NYAP2: variants seen among roughly 807,000 people sequenced by gnomAD.
NYAP2 encodes neuronal tyrosine-phosphorylated phosphoinositide-3-kinase adaptor 2, also known as neuronal tyrosine-phosphorylated phosphoinositide-3-kinase adapter 2.
In NYAP2, 23 loss-of-function variants were observed where a neutral mutation model predicts 50.4. That is an observed-to-expected ratio of 0.46 (90% CI 0.33 to 0.65). The LOEUF (loss-of-function observed/expected upper bound fraction) is 0.65, where lower values mean the gene tolerates loss of function less well. Among genes scored for constraint, NYAP2 ranks in the 30% least tolerant of loss-of-function variants. The pLI, the probability that NYAP2 is intolerant of heterozygous loss-of-function variation, is 0.02. For missense variants in NYAP2, 885 were observed against 861.0 expected (o/e 1.03, Z -0.35); for synonymous variants, 394 against 365.2 (o/e 1.08, Z -0.90).
chr2:225,556,782 A>T (rs1691783385), intron 4 of NYAP2, among the ~76,000 whole-genome samples: 1 of 152,176 alleles, frequency 6.6e-6, no homozygotes, highest in Admixed American at 6.6e-5. Flanking sequence ...GCTATATTTC[A>T]TGATCAAGCT....
At chr2:225,468,460 G>A (rs1163041587) in intron 3 of NYAP2, among the ~76,000 whole-genome samples, 2 of 152,172 alleles carry the variant, frequency 1.3e-5, no homozygotes, top group African/African-American at 4.8e-5. Context: ...ACAGGCCAGT[G>A]AGAAAGGAAG....
the NYAP2 span, among the ~76,000 whole-genome samples, chr2:225,662,918 C>T: frequency 4.7e-3 from 714 of 152,234 alleles, 2 homozygotes; most frequent in Non-Finnish European, 7.3e-3. Context: ...CACTCATATC[C>T]GACGATCGCA....
At chr2:225,498,739 G>C (rs1017456084) in intron 3 of NYAP2, among the ~76,000 whole-genome samples, 1 of 152,060 alleles carries the variant, frequency 6.6e-6, no homozygotes, top group African/African-American at 2.4e-5. Context: ...AGGAAGAATC[G>C]GTTGACAGTT....
intron 5 of NYAP2, among the ~76,000 whole-genome samples, chr2:225,595,256 G>C (rs1692576745): frequency 6.6e-6 from 1 of 152,178 alleles, no homozygotes; most frequent in South Asian, 2.1e-4. Flanking sequence ...GGGTATTCAT[G>C]TGTTGTCCAA....
intron 4 of NYAP2, among the ~76,000 whole-genome samples, chr2:225,579,221 C>T (rs1360877088): frequency 1.3e-5 from 2 of 151,988 alleles, no homozygotes; most frequent in Non-Finnish European, 2.9e-5. Flanking sequence ...CTCCAGATAC[C>T]ATCACTTTGG....
intron 3 of NYAP2, among the ~76,000 whole-genome samples, chr2:225,431,951 A>G (rs1042359134): frequency 2.0e-5 from 3 of 151,890 alleles, no homozygotes; most frequent in Admixed American, 2.0e-4. Context: ...ATTTATAACA[A>G]TGATAGGGTT....
chr2:225,468,230 G>T (rs1689954203), intron 3 of NYAP2, among the ~76,000 whole-genome samples: 1 of 152,154 alleles, frequency 6.6e-6, no homozygotes, highest in Non-Finnish European at 1.5e-5. Context: ...GATATGACTG[G>T]CTTCCTTATA....
intron 2 of NYAP2, among the ~76,000 whole-genome samples, chr2:225,406,464 T>A (rs1307404768): frequency 1.3e-5 from 2 of 151,970 alleles, no homozygotes; most frequent in African/African-American, 2.4e-5. Context: ...AGTATTGCAA[T>A]TATTTATTTA....
At chr2:225,646,043 T>A (rs768407716) in intron 6 of NYAP2, among the ~76,000 whole-genome samples, 9 of 152,166 alleles carry the variant, frequency 5.9e-5, no homozygotes, top group Non-Finnish European at 1.2e-4. Flanking sequence ...AAAGGCATGG[T>A]TATAATTAGA....
chr2:225,649,266 A>T (rs1421177117), intron 6 of NYAP2, among the ~76,000 whole-genome samples: 1 of 152,192 alleles, frequency 6.6e-6, no homozygotes, highest in Non-Finnish European at 1.5e-5. Context: ...TTTCACTATT[A>T]CTATTTCCTT....
Position 225,582,288 on chromosome 2 carries a change from A to C in NYAP2, c.871A>C (p.Ser291Arg). The stretch of plus-strand genomic sequence containing the variant: ...CGCCAAATGTGACTTCGACCATCAC[A>C]GCTGTTCTTCGCAGTGTGCTACTCC... Residue 291 changes from serine to arginine, a missense_variant, in exon 5 of 7, where the codon AGC (serine) becomes CGC (arginine). Ser to Arg is a moderately radical substitution (Grantham distance 110). Transcript: ENST00000636099. The surrounding 1 kb of genome is among the most constrained non-coding windows in gnomAD (Gnocchi z 7.0). The C allele has an allele frequency of 1.2e-6, 2 of 1,614,022 alleles. No homozygotes were observed. The highest frequency in any genetic ancestry group is 1.7e-6 in the Non-Finnish European group (2 of 1,179,896).
chr2:225,582,673 C>A lies in NYAP2; in HGVS notation c.1256C>A (p.Thr419Lys). 1 of 1,600,830 alleles carries A rather than the reference C, an allele frequency of 6.2e-7. No homozygotes were observed. The highest frequency in any genetic ancestry group is 8.5e-7 in the Non-Finnish European group (1 of 1,173,006). Residue 419 changes from threonine (T) to lysine (K), a missense_variant, in exon 5 of 7, where the codon ACG (threonine) becomes AAG (lysine). Coordinates refer to ENST00000636099, the Ensembl canonical transcript of NYAP2. The surrounding 1 kb of genome is among the most constrained non-coding windows in gnomAD (Gnocchi z 7.0). ...TCCTCGTCGCCCCCACCCCCGTCTA[C>A]GCTGTACCGAACCCAGTCTCCCCAT...
At chr2:225,689,154 C>G in the NYAP2 span, among the ~76,000 whole-genome samples, 4 of 152,150 alleles carry the variant, frequency 2.6e-5, no homozygotes, top group Non-Finnish European at 1.5e-5. Flanking sequence ...TTGAAACCAG[C>G]CTTCATCCCT....
At chr2:225,664,917 TAGGAGAAACTATCATGGA>T in the NYAP2 span, among the ~76,000 whole-genome samples, 3 of 151,950 alleles carry the variant, frequency 2.0e-5, no homozygotes, top group African/African-American at 7.2e-5. Context: ...TTATGAATAT[TAGGAGAAACTATCATGGA>T]AACAATTCTA....
At chr2:225,542,620 C>A (rs144215673) in intron 4 of NYAP2, among the ~76,000 whole-genome samples, 2 of 152,074 alleles carry the variant, frequency 1.3e-5, no homozygotes, top group East Asian at 3.9e-4. Flanking sequence ...GGGATAAATC[C>A]CACTTGGGCA....
the NYAP2 span, among the ~76,000 whole-genome samples, chr2:225,675,917 ATGTT>A: frequency 3.9e-5 from 6 of 152,048 alleles, no homozygotes; most frequent in African/African-American, 1.2e-4. Context: ...ATTTTTGTAT[ATGTT>A]TGTTGGCCAC....
At chr2:225,603,531 G>A (rs968514307) in intron 5 of NYAP2, among the ~76,000 whole-genome samples, 5 of 152,004 alleles carry the variant, frequency 3.3e-5, no homozygotes, top group Admixed American at 6.6e-5. Flanking sequence ...ATGCGATCTC[G>A]GCTCACTGCA....
At chr2:225,642,135 C>A (rs13407844) in intron 6 of NYAP2, among the ~76,000 whole-genome samples, 6,767 of 152,056 alleles carry the variant, frequency 0.045, 206 homozygotes, top group Middle Eastern at 0.068. Flanking sequence ...GTGTACCAGG[C>A]AGAGTGAAGT....
chr2:225,659,630 CA>C, the NYAP2 span, among the ~76,000 whole-genome samples: 1 of 152,114 alleles, frequency 6.6e-6, no homozygotes, highest in East Asian at 1.9e-4. Flanking sequence ...CTGAGATAGA[CA>C]AAAACCTGAG....
Sources: gnomAD v4.1 joint callset for allele counts (sites outside exome capture counted in the v4.1 genomes callset) on GRCh38, gnomAD v4.1.1 for gene constraint, Gnocchi (gnomAD v3.1) non-coding constraint, MANE v1.5 for transcripts, NCBI Gene and HGNC (gene_info 2026-07-23, HGNC 2026-07-21) for gene names.